The following IL4I1 variants were observed in gnomAD, a reference collection of about 807,000 sequenced individuals.
IL4I1 encodes interleukin 4 induced 1.
IL4I1 carries 24 observed loss-of-function variants against 29.7 expected under a neutral mutation model. The ratio of observed to expected loss-of-function variants is 0.81; its 90% CI spans 0.59 to 1.14. The LOEUF (loss-of-function observed/expected upper bound fraction) is 1.14, where lower values mean the gene tolerates loss of function less well. IL4I1 is among the 50% of genes most tolerant of loss of function. The pLI, the probability that IL4I1 is intolerant of heterozygous loss-of-function variation, is 0.00. For missense variants in IL4I1, 686 were observed against 785.6 expected (o/e 0.87, Z 1.52); for synonymous variants, 371 against 352.5 (o/e 1.05, Z -0.59).
intron 2 of IL4I1, chr19:49,908,162 A>G: frequency 6.4e-7 from 1 of 1,567,876 alleles, no homozygotes; most frequent in Non-Finnish European, 8.6e-7. Context: ...TCTTGCCACA[A>G]CCCCAAACTA....
At chr19:49,905,942 G>A (rs2075316857) in intron 2 of IL4I1, among the ~76,000 whole-genome samples, 1 of 152,204 alleles carries the variant, frequency 6.6e-6, no homozygotes, top group Non-Finnish European at 1.5e-5. Context: ...GACTTCGGGA[G>A]ACTTTTGGAA....
intron 2 of IL4I1, 43 bp downstream of exon 2, chr19:49,896,105 G>C (rs1328042505): frequency 3.2e-6 from 5 of 1,581,136 alleles, no homozygotes; most frequent in African/African-American, 1.4e-5. Flanking sequence ...GGGGGAGAGG[G>C]GTTCTACTCA....
Position 49,890,065 on chromosome 19 carries a change from C to T in IL4I1, c.1309G>A (p.Gly437Ser). Reference protein sequence around the residue: ...HGPVVRQLWDGTGVVKRWAED... With the variant: ...HGPVVRQLWDSTGVVKRWAED... ...GCCCAACGCTTGACGACGCCGGTGC[C>T]GTCCCAGAGCTGGCGCACGACAGGC... Residue 437 changes from glycine to serine, a missense_variant, in exon 8 of 8, where the codon GGC becomes AGC. Gly to Ser is a moderately conservative substitution (Grantham distance 56). Coordinates refer to ENST00000391826, the MANE Select transcript of IL4I1 (RefSeq NM_152899.2). 2 of 1,549,400 alleles carry T rather than the reference C, an allele frequency of 1.3e-6. No homozygotes were observed. Among genetic ancestry groups the T allele is most frequent in the African/African-American group, 1.4e-5 (1 of 73,208 alleles).
chr19:49,908,254 C>T (rs2075366959), intron 2 of IL4I1: 1 of 1,613,302 alleles, frequency 6.2e-7, no homozygotes, highest in African/African-American at 1.3e-5. Context: ...CAAAGGTGAT[C>T]CGGAAGCTGC....
intron 5 of IL4I1, among the ~76,000 whole-genome samples, chr19:49,893,142 C>G (rs2075160407): frequency 6.6e-6 from 1 of 152,098 alleles, no homozygotes; most frequent in South Asian, 2.1e-4. Context: ...GGGCTCAAAG[C>G]TGAGCCTGAA....
At chr19:49,922,724 C>A (rs1218713313) in intron 2 of IL4I1, among the ~76,000 whole-genome samples, 2 of 151,424 alleles carry the variant, frequency 1.3e-5, no homozygotes, top group East Asian at 1.9e-4. Context: ...AAAAAAAAAA[C>A]TGGATTTCCA....
intron 2 of IL4I1, among the ~76,000 whole-genome samples, chr19:49,923,834 C>G (rs1487673447): frequency 6.6e-6 from 1 of 152,230 alleles, no homozygotes; most frequent in Admixed American, 6.5e-5. Flanking sequence ...CAGGCTGGCT[C>G]TAGGGCCCAT....
rs780228463 is a variant in IL4I1, at chr19:49,891,063, C to G, written c.681G>C (p.Gln227His). Residue 227 changes from glutamine to histidine, a missense_variant, in exon 7 of 8, where the codon CAG becomes CAC. By Grantham distance (24) the Gln-to-His change is conservative. Coordinates refer to ENST00000391826, the MANE Select transcript of IL4I1 (RefSeq NM_152899.2). Reference sequence around the variant, plus strand: ...CCTCGGACATCACGTCTCCCAGAAGCTGCACGGCCGGCCGGCTCAGGTTCC... The same window carrying G: ...CCTCGGACATCACGTCTCCCAGAAGGTGCACGGCCGGCCGGCTCAGGTTCC... The part of the protein sequence containing the change: ...GEGNLSRPAV[Q>H]LLGDVMSEDG... The G allele has an allele frequency of 1.7e-5, 28 of 1,613,502 alleles. 1 individual carries two copies. In the South Asian group the frequency reaches 3.0e-4, roughly 17 times the overall value.
intron 2 of IL4I1, among the ~76,000 whole-genome samples, chr19:49,920,603 G>T (rs2075742559): frequency 6.6e-6 from 1 of 152,256 alleles, no homozygotes; most frequent in South Asian, 2.1e-4. Context: ...GAGGCGGATA[G>T]GCGTCAGGCT....
chr19:49,895,713 ACCTCC>A, intron 3 of IL4I1, 97 bp downstream of exon 3: 5 of 473,392 alleles, frequency 1.1e-5, no homozygotes, highest in Non-Finnish European at 1.6e-5. Flanking sequence ...CCACATCCCC[ACCTCC>A]ACCCCCTCAA....
intron 2 of IL4I1, among the ~76,000 whole-genome samples, chr19:49,913,853 G>A (rs777345679): frequency 4.6e-5 from 7 of 152,138 alleles, no homozygotes; most frequent in Non-Finnish European, 1.0e-4. Flanking sequence ...CGGTTCGGGC[G>A]TTATATTGAG....
At chr19:49,907,502 C>T (rs2075347710) in intron 2 of IL4I1, 2 of 440,082 alleles carry the variant, frequency 4.5e-6, no homozygotes. Flanking sequence ...CACAAGCTCA[C>T]ACTCGAAAAC....
At chr19:49,909,099 G>A (rs1001037909) in intron 2 of IL4I1, 6 of 1,612,380 alleles carry the variant, frequency 3.7e-6, no homozygotes, top group African/African-American at 1.3e-5. Flanking sequence ...CAGAGGGAGA[G>A]TCCAGTGGTG....
At chr19:49,907,680 A>T (rs2075354795) in intron 2 of IL4I1, 1 of 362,638 alleles carries the variant, frequency 2.8e-6, no homozygotes, top group South Asian at 2.1e-5. Flanking sequence ...TTGAGATCAC[A>T]GGCGTCCACC....
intron 5 of IL4I1, among the ~76,000 whole-genome samples, chr19:49,893,839 T>C (rs1256504490): frequency 6.6e-6 from 1 of 150,956 alleles, no homozygotes; most frequent in Non-Finnish European, 1.5e-5. Flanking sequence ...ATACAAAAAT[T>C]AGCTGGGCGT....
chr19:49,919,429 G>A (rs1245569096), intron 2 of IL4I1, among the ~76,000 whole-genome samples: 1 of 152,206 alleles, frequency 6.6e-6, no homozygotes, highest in Non-Finnish European at 1.5e-5. Context: ...ATCGTTTTAA[G>A]CAGGCTTATT....
intron 3 of IL4I1, among the ~76,000 whole-genome samples, chr19:49,895,435 C>T (rs778467349): frequency 1.1e-4 from 17 of 152,182 alleles, no homozygotes; most frequent in Admixed American, 1.1e-3. Context: ...GACCCATATG[C>T]GTAGAAGCCC....
intron 2 of IL4I1, chr19:49,909,617 G>A: frequency 1.2e-6 from 2 of 1,614,124 alleles, no homozygotes; most frequent in South Asian, 1.1e-5. Context: ...CGGAGTCTGG[G>A]TGGCAAGTGA....
chr19:49,904,741 ACTCTTTTG>A (rs11280125), intron 2 of IL4I1, among the ~76,000 whole-genome samples: 4,495 of 151,746 alleles, frequency 0.03, 242 homozygotes, highest in South Asian at 0.15. Flanking sequence ...AGACGGAGTC[ACTCTTTTG>A]CCCAGGCTGG....
Sources: allele counts gnomAD v4.1 joint callset (sites outside exome capture counted in the v4.1 genomes callset), GRCh38; gene constraint gnomAD v4.1.1; transcripts MANE v1.5; gene names NCBI Gene and HGNC (gene_info 2026-07-23, HGNC 2026-07-21).